The following NSD1 variants were observed in gnomAD, a reference collection of about 807,000 sequenced individuals.
The protein encoded by NSD1 is histone-lysine N-methyltransferase, H3 lysine-36 specific.
NSD1 carries 26 observed loss-of-function variants against 242.7 expected under a neutral mutation model. That is an observed-to-expected ratio of 0.11 (90% confidence interval 0.08 to 0.15). NSD1 has a LOEUF of 0.15. Ranked by LOEUF, NSD1 falls within the 10% of genes least tolerant of loss-of-function variation. NSD1 has a pLI of 1.00. For synonymous variants in NSD1, 1,106 were observed against 1,178.1 expected (o/e 0.94, Z 1.25); for missense variants, 2,495 against 3,272.8 (o/e 0.76, Z 5.80).
At chr5:177,278,513 A>C (rs1165879147) in intron 17 of NSD1, among the ~76,000 whole-genome samples, 1 of 152,236 alleles carries the variant, frequency 6.6e-6, no homozygotes. Context: ...AAAATGCAAG[A>C]AATGAAAGCA....
Position 177,135,292 on chromosome 5 carries a change from A to G in NSD1, c.189A>G (p.Gln63=), listed in dbSNP as rs2149755530. The G allele has an allele frequency of 9.3e-6, 15 of 1,613,604 alleles. No individual in the cohort carries two copies. Among genetic ancestry groups the G allele is most frequent in the Non-Finnish European group, 1.3e-5 (15 of 1,179,494 alleles). ...VSGTSQNAYG[Q]DSPSCYIPLR... ...GAACATCCCAAAATGCTTATGGACA[A>G]GATTCTCCATCTTGTTACATTCCAC... The change falls in exon 2 of 23, where the codon CAA becomes CAG. Residue 63 remains glutamine, a synonymous_variant. Transcript: ENST00000439151.
intron 14 of NSD1, among the ~76,000 whole-genome samples, chr5:177,262,015 C>G (rs1471046376): frequency 6.6e-6 from 1 of 152,072 alleles, no homozygotes; most frequent in African/African-American, 2.4e-5. Context: ...ATTGCTTTAC[C>G]AAGGCTTGGT....
intron 14 of NSD1, chr5:177,265,473 C>T (rs1277372534): frequency 7.9e-6 from 5 of 630,194 alleles, no homozygotes; most frequent in Non-Finnish European, 1.4e-5. Context: ...CTAAAACCTC[C>T]TCTGGGGGAG....
rs1756228996 is a variant in NSD1, at chr5:177,135,401, C to A, written c.298C>A (p.Pro100Thr). 6.2e-7 allele frequency: 1 copy of A among 1,613,360 alleles called. No homozygotes were observed. Among genetic ancestry groups the A allele is most frequent in the Non-Finnish European group, 8.5e-7 (1 of 1,179,662 alleles). Residue 100 changes from proline (P) to threonine (T), a missense_variant, in exon 2 of 23, where the codon CCT becomes ACT. Pro to Thr is a conservative substitution (Grantham distance 38). Coordinates refer to ENST00000439151, the MANE Select transcript of NSD1 (RefSeq NM_022455.5). ...TGATGGATCAGAATCCTTTCAAGAC[C>A]CTGAAAAAAGTGATTCAAGAGCTCA... ...SADGSESFQD[P>T]EKSDSRAQTP...
At chr5:177,207,488 T>G (rs1179429416) in intron 4 of NSD1, among the ~76,000 whole-genome samples, 1 of 151,030 alleles carries the variant, frequency 6.6e-6, no homozygotes, top group Non-Finnish European at 1.5e-5. Flanking sequence ...TTCACCATGT[T>G]AGCCAGGATG....
Position 177,212,054 on chromosome 5 carries a change from A to C in NSD1, c.3655A>C (p.Thr1219Pro). Residue 1219 changes from threonine to proline, a missense_variant, in exon 5 of 23, where the codon ACA becomes CCA. Thr to Pro is a conservative substitution (Grantham distance 38). Coordinates refer to ENST00000439151, the MANE Select transcript of NSD1 (RefSeq NM_022455.5). ...PSASILEEPLTEQNHADCLDS... is the reference protein window; with the variant it reads ...PSASILEEPLPEQNHADCLDS... ...AGCAAGCATACTTGAGGAACCACTGACAGAGCAAAATCATGCTGACTGCTT... is the reference window on the plus strand; with the variant it reads ...AGCAAGCATACTTGAGGAACCACTGCCAGAGCAAAATCATGCTGACTGCTT... 5 of 1,614,140 alleles carry C rather than the reference A, an allele frequency of 3.1e-6. No individual in the cohort carries two copies. Among genetic ancestry groups the C allele is most frequent in the African/African-American group, 1.3e-5 (1 of 75,040 alleles).
intron 14 of NSD1, among the ~76,000 whole-genome samples, chr5:177,264,184 TGCCACTATG>T (rs1757233751): frequency 6.6e-6 from 1 of 151,914 alleles, no homozygotes; most frequent in Non-Finnish European, 1.5e-5. Context: ...TACAGGCATG[TGCCACTATG>T]CCCAGCTAAT....
At position 177,135,234 on chromosome 5, in the gene NSD1, A is replaced by G. The variant is rs1278011388; in HGVS notation, c.131A>G (p.Asn44Ser). 4.3e-6 allele frequency: 7 copies of G among 1,613,706 alleles called. No individual in the cohort carries two copies. Among genetic ancestry groups the G allele is most frequent in the Non-Finnish European group, 5.1e-6 (6 of 1,179,600 alleles). ...NGQSNFSEPL[N>S]GCTMQLSTVS... is the part of the protein sequence containing the mutation. ...CAATCCAATTTTTCTGAGCCACTTA[A>G]TGGGTGTACTATGCAGTTATCGACT... The change falls in exon 2 of 23, where the codon AAT becomes AGT. Residue 44 changes from asparagine to serine, a missense_variant. Physicochemically the swap from Asn to Ser is conservative, Grantham distance 46. This residue lies in a region of NSD1 where 376 missense variants were observed against 367.4 expected (regional missense o/e 1.02). Transcript: ENST00000439151.
At chr5:177,267,856 C>T in intron 15 of NSD1, 138 bp downstream of exon 15, 1 of 859,532 alleles carries the variant, frequency 1.2e-6, no homozygotes, top group East Asian at 2.7e-5. Context: ...GATTTTTTTC[C>T]TTATAGGAAG....
At chr5:177,180,349 G>A (rs1188795749) in intron 2 of NSD1, among the ~76,000 whole-genome samples, 10 of 151,942 alleles carry the variant, frequency 6.6e-5, no homozygotes, top group Non-Finnish European at 1.2e-4. Context: ...CAAGTGAGCC[G>A]CCCACCTTGG....
At chr5:177,157,285 G>T (rs1758216273) in intron 2 of NSD1, among the ~76,000 whole-genome samples, 1 of 152,078 alleles carries the variant, frequency 6.6e-6, no homozygotes, top group Non-Finnish European at 1.5e-5. Flanking sequence ...AGAATTGCTT[G>T]AACCTGAGAG....
intron 20 of NSD1, among the ~76,000 whole-genome samples, chr5:177,287,552 C>G (rs1306713606): frequency 3.3e-5 from 5 of 152,178 alleles, no homozygotes; most frequent in Non-Finnish European, 7.4e-5. Flanking sequence ...AGGAGAATAG[C>G]TTGAACCCAG....
intron 2 of NSD1, among the ~76,000 whole-genome samples, chr5:177,169,802 G>A (rs1402781327): frequency 6.6e-6 from 1 of 152,162 alleles, no homozygotes; most frequent in African/African-American, 2.4e-5. Context: ...ATTTAAGAAT[G>A]TATTCCAATA....
intron 20 of NSD1, among the ~76,000 whole-genome samples, chr5:177,286,153 C>T (rs918601708): frequency 2.4e-4 from 37 of 152,162 alleles, no homozygotes; most frequent in African/African-American, 8.0e-4. Context: ...TGAGCCACCG[C>T]GCCCGGCCTG....
intron 2 of NSD1, among the ~76,000 whole-genome samples, chr5:177,166,286 G>A (rs1265305727): frequency 6.6e-6 from 1 of 151,996 alleles, no homozygotes; most frequent in Non-Finnish European, 1.5e-5. Flanking sequence ...GGTGGCTTAT[G>A]CCTATAATCC....
rs1756247729 is a variant in NSD1, at chr5:177,135,589, A to G, written c.486A>G (p.Ala162=). The part of the protein sequence containing the change: ...HFENFTCVDD[A]DVDSEMDPEQ... ...AGAATTTTACTTGTGTGGACGATGC[A>G]GATGTAGATTCTGAAATGGACCCAG... The change falls in exon 2 of 23, where the codon GCA becomes GCG. Residue 162 remains alanine, a synonymous_variant. Coordinates refer to ENST00000439151, the MANE Select transcript of NSD1 (RefSeq NM_022455.5). 6.2e-7 allele frequency: 1 copy of G among 1,614,222 alleles called. No homozygotes were observed. The highest frequency in any genetic ancestry group is 8.5e-7 in the Non-Finnish European group (1 of 1,180,048).
chr5:177,218,630 C>T (rs973317977), intron 5 of NSD1, among the ~76,000 whole-genome samples: 3 of 151,120 alleles, frequency 2.0e-5, no homozygotes, highest in Non-Finnish European at 4.4e-5. Context: ...TGCCGTGGCG[C>T]AATCTCGGGT....
At chr5:177,244,334 A>T in intron 9 of NSD1, 64 bp downstream of exon 9, 1 of 1,214,962 alleles carries the variant, frequency 8.2e-7, no homozygotes, top group Non-Finnish European at 1.2e-6. Flanking sequence ...TTGTCTGTTA[A>T]CCACAAAAAT....
intron 2 of NSD1, among the ~76,000 whole-genome samples, chr5:177,145,638 C>T (rs541486274): frequency 3.3e-5 from 5 of 152,044 alleles, no homozygotes; most frequent in East Asian, 1.9e-4. Context: ...CCAGGCTGGG[C>T]GTGGTGGCTC....
Sources: gnomAD v4.1 joint callset for allele counts (sites outside exome capture counted in the v4.1 genomes callset) on GRCh38, gnomAD v4.1.1 for gene constraint, gnomAD v4.1.1 regional missense constraint, MANE v1.5 for transcripts, NCBI Gene and HGNC (gene_info 2026-07-23, HGNC 2026-07-21) for gene names.